Variants in GFI1B observed in about 807,000 individuals in gnomAD.
GFI1B encodes the protein zinc finger protein Gfi-1b.
In GFI1B, 20 loss-of-function variants were observed where a neutral mutation model predicts 35.3. That is an observed-to-expected ratio of 0.57 (90% CI 0.40 to 0.82). The LOEUF (loss-of-function observed/expected upper bound fraction) is 0.82, where lower values mean the gene tolerates loss of function less well. GFI1B is among the 40% of genes least tolerant of loss of function. GFI1B has a pLI of 0.00. For missense variants in GFI1B, 430 were observed against 446.3 expected (o/e 0.96, Z 0.33); for synonymous variants, 178 against 177.6 (o/e 1.00, Z -0.02).
upstream of GFI1B, among the ~76,000 whole-genome samples, chr9:132,977,689 G>A (rs1332731953): frequency 6.6e-6 from 1 of 152,040 alleles, no homozygotes; most frequent in Non-Finnish European, 1.5e-5. Flanking sequence ...AAGGTGGGGA[G>A]CCAGGGGATG....
chr9:132,985,790 C>T (rs938227112), intron 1 of GFI1B, among the ~76,000 whole-genome samples: 6 of 152,350 alleles, frequency 3.9e-5, no homozygotes, highest in African/African-American at 1.2e-4. Context: ...CCAAATTGCA[C>T]AGCAAGTGAA....
At chr9:132,984,746 G>A (rs1848971950) in intron 1 of GFI1B, among the ~76,000 whole-genome samples, 1 of 152,186 alleles carries the variant, frequency 6.6e-6, no homozygotes, top group Admixed American at 6.5e-5. Flanking sequence ...CTTACAGCAG[G>A]CAAGGGCTGG....
intron 4 of GFI1B, 96 bp downstream of exon 4, chr9:132,988,564 T>G (rs369675440): frequency 4.2e-5 from 49 of 1,155,788 alleles, no homozygotes; most frequent in Non-Finnish European, 6.1e-5. Context: ...GCTGTGAATG[T>G]TGGGGCTCTG....
chr9:132,976,262 A>G (rs540362913), upstream of GFI1B, among the ~76,000 whole-genome samples: 19 of 152,336 alleles, frequency 1.2e-4, no homozygotes, highest in African/African-American at 3.6e-4. Context: ...CTGCAAACGA[A>G]CTTAGGAAGC....
At chr9:132,988,563 G>C (rs549052526) in intron 4 of GFI1B, 95 bp downstream of exon 4, 239 of 1,159,752 alleles carry the variant, frequency 2.1e-4, no homozygotes, top group Non-Finnish European at 2.8e-4. Context: ...TGCTGTGAAT[G>C]TTGGGGCTCT....
At chr9:132,954,620 C>G (rs1223549549) in intron 1 of GFI1B, among the ~76,000 whole-genome samples, 8 of 151,066 alleles carry the variant, frequency 5.3e-5, no homozygotes, top group Non-Finnish European at 1.0e-4. Context: ...CAGGGTTTTG[C>G]TATGTTGTCC....
chr9:132,975,513 C>T (rs1848612844), upstream of GFI1B, among the ~76,000 whole-genome samples: 1 of 152,174 alleles, frequency 6.6e-6, no homozygotes, highest in African/African-American at 2.4e-5. Flanking sequence ...TCCAAATGCC[C>T]CAGGCTTCTT....
intron 1 of GFI1B, among the ~76,000 whole-genome samples, chr9:132,979,482 A>T (rs1301153672): frequency 6.6e-6 from 1 of 151,310 alleles, no homozygotes; most frequent in Non-Finnish European, 1.5e-5. Context: ...CAAACGATCC[A>T]CCTGCCTCAG....
At chr9:132,988,070 TC>T (rs1477677332) in intron 3 of GFI1B, 126 bp from the exon 4 acceptor site, 1 of 816,182 alleles carries the variant, frequency 1.2e-6, no homozygotes, top group Non-Finnish European at 2.1e-6. Flanking sequence ...GGTCTTGAAC[TC>T]CCGACCTCAA....
chr9:132,986,442 A>G (rs1849062686), intron 1 of GFI1B, among the ~76,000 whole-genome samples: 1 of 152,172 alleles, frequency 6.6e-6, no homozygotes. Context: ...TTGAGGGCCC[A>G]TCCTAACCCG....
rs1244431289 is a variant in GFI1B, at chr9:132,984,183, A to G, written c.-20-2476A>G. Among the ~76,000 whole-genome samples, 8 of 152,094 alleles carry G rather than the reference A, an allele frequency of 5.3e-5. No individual in the cohort carries two copies. In the East Asian group the frequency reaches 1.2e-3, roughly 22 times the overall value. ...CCATGACCCTCACAGGCCCCCTCAA[A>G]ACAAAGTGCAAGGGGAACCCCACAC... On this transcript the variant is annotated intron_variant, in intron 1 of 6. Transcript: ENST00000372122.
intron 1 of GFI1B, among the ~76,000 whole-genome samples, chr9:132,985,117 G>A (rs1848993838): frequency 6.6e-6 from 1 of 152,306 alleles, no homozygotes; most frequent in South Asian, 2.1e-4. Flanking sequence ...GCCTGGTGTC[G>A]GCCTGGGTGC....
intron 1 of GFI1B, among the ~76,000 whole-genome samples, chr9:132,970,123 A>T (rs530454595): frequency 6.6e-6 from 1 of 152,274 alleles, no homozygotes; most frequent in Non-Finnish European, 1.5e-5. Context: ...TTTATTCCCA[A>T]GTCTTCTGCA....
In GFI1B at chr9:132,989,981, C is replaced by T. The variant is rs113875915; in HGVS notation, c.814+74C>T. 1 of 1,356,010 alleles carries T rather than the reference C, an allele frequency of 7.4e-7. No individual in the cohort carries two copies. The highest frequency in any genetic ancestry group is 1.8e-5 in the Admixed American group (1 of 55,426). The allele number at this position is 1,356,010 out of a possible 1,614,324, so 84.0% of individuals were successfully genotyped here. On this transcript the variant is annotated intron_variant, in intron 6 of 6. Coordinates refer to ENST00000372122, the MANE Select transcript of GFI1B (RefSeq NM_001377304.1). The surrounding 1 kb of genome is among the most constrained non-coding windows in gnomAD (Gnocchi z 6.2). ...TTTCCCTGAGAGATGCATCAGAGGC[C>T]CCCAGCGTGAGGCTGGGGGCGGGGT... is the stretch of plus-strand genomic sequence containing the variant.
chr9:132,979,828 G>A (rs1029036586), intron 1 of GFI1B, among the ~76,000 whole-genome samples: 1 of 152,180 alleles, frequency 6.6e-6, no homozygotes, highest in Non-Finnish European at 1.5e-5. Flanking sequence ...GTATGTGCCC[G>A]TGTACATTTT....
chr9:132,948,752 A>G (rs539869952), intron 1 of GFI1B, among the ~76,000 whole-genome samples: 26 of 152,312 alleles, frequency 1.7e-4, no homozygotes, highest in African/African-American at 6.3e-4. Context: ...TCCAGTACCA[A>G]GGAACGCCCA....
intron 1 of GFI1B, among the ~76,000 whole-genome samples, chr9:132,979,387 G>T (rs565754120): frequency 4.4e-4 from 67 of 151,756 alleles, no homozygotes; most frequent in African/African-American, 1.6e-3. Flanking sequence ...TTACAGGCGC[G>T]TGTTACCACG....
intron 1 of GFI1B, among the ~76,000 whole-genome samples, chr9:132,980,998 C>T (rs913868327): frequency 2.0e-5 from 3 of 152,134 alleles, no homozygotes; most frequent in Admixed American, 6.5e-5. Context: ...CGGGTTCAAG[C>T]GATTCTCCTG....
At chr9:132,966,134 GA>G (rs1407516319) in intron 1 of GFI1B, among the ~76,000 whole-genome samples, 1 of 152,224 alleles carries the variant, frequency 6.6e-6, no homozygotes, top group Non-Finnish European at 1.5e-5. Flanking sequence ...CAAGGCAGGA[GA>G]ACCGCTGGTG....
Sources: gnomAD v4.1 joint callset for allele counts (sites outside exome capture counted in the v4.1 genomes callset) on GRCh38, gnomAD v4.1.1 for gene constraint, Gnocchi (gnomAD v3.1) non-coding constraint, MANE v1.5 for transcripts, NCBI Gene and HGNC (gene_info 2026-07-23, HGNC 2026-07-21) for gene names.